Variants in SLC4A4 observed in about 807,000 individuals in gnomAD.
SLC4A4 encodes solute carrier family 4 member 4.
SLC4A4 carries 27 observed loss-of-function variants against 111.5 expected under a neutral mutation model. The observed-to-expected ratio is 0.24, with a 90% CI of 0.18 to 0.33. The LOEUF (loss-of-function observed/expected upper bound fraction) is 0.33. Among genes scored for constraint, SLC4A4 ranks in the 10% least tolerant of loss-of-function variants. The pLI is 1.00. For missense variants in SLC4A4, 909 were observed against 1,315.5 expected (o/e 0.69, Z 4.78); for synonymous variants, 443 against 463.4 (o/e 0.96, Z 0.57).
At chr4:71,538,061 T>G (rs1734716251) in intron 18 of SLC4A4, among the ~76,000 whole-genome samples, 1 of 151,858 alleles carries the variant, frequency 6.6e-6, no homozygotes. Context: ...GTTTCTGATG[T>G]TGGTTTAGTT....
At chr4:71,538,466 A>G (rs1415713860) in intron 18 of SLC4A4, among the ~76,000 whole-genome samples, 2 of 152,164 alleles carry the variant, frequency 1.3e-5, no homozygotes, top group Non-Finnish European at 2.9e-5. Context: ...AAATCTAATG[A>G]TACCAGTGAA....
chr4:71,458,481 A>C (rs1726500135), intron 12 of SLC4A4, among the ~76,000 whole-genome samples: 1 of 152,048 alleles, frequency 6.6e-6, no homozygotes, highest in Admixed American at 6.6e-5. Context: ...CCAGGAGTAA[A>C]TATAATCCTA....
chr4:71,187,939 G>A (rs1745561209), intron 1 of SLC4A4, among the ~76,000 whole-genome samples: 1 of 152,242 alleles, frequency 6.6e-6, no homozygotes, highest in Non-Finnish European at 1.5e-5. Flanking sequence ...GGCGGGGGGT[G>A]AGTCAGGCAG....
chr4:71,076,545 A>AT (rs1419229591), intron 1 of SLC4A4, among the ~76,000 whole-genome samples: 3 of 151,860 alleles, frequency 2.0e-5, no homozygotes, highest in Non-Finnish European at 4.4e-5. Flanking sequence ...AAAAAAAAAA[A>AT]GTATCAACTT....
chr4:71,092,446 A>G (rs1301444480), intron 1 of SLC4A4, among the ~76,000 whole-genome samples: 1 of 152,238 alleles, frequency 6.6e-6, no homozygotes, highest in Non-Finnish European at 1.5e-5. Flanking sequence ...ATAAATTTAT[A>G]GAAGTTCATA....
At chr4:71,280,553 G>T (rs1056497925) in intron 3 of SLC4A4, among the ~76,000 whole-genome samples, 1 of 152,082 alleles carries the variant, frequency 6.6e-6, no homozygotes, top group Admixed American at 6.5e-5. Context: ...ACTATTTCAA[G>T]TTAATCTTGT....
At chr4:71,428,628 G>A (rs1020002302) in intron 7 of SLC4A4, among the ~76,000 whole-genome samples, 5 of 151,958 alleles carry the variant, frequency 3.3e-5, no homozygotes, top group Non-Finnish European at 7.4e-5. Flanking sequence ...GTGGGGGACA[G>A]GAGAAAATTA....
chr4:71,388,169 TAAG>T (rs905534945), intron 6 of SLC4A4, among the ~76,000 whole-genome samples: 7 of 152,208 alleles, frequency 4.6e-5, no homozygotes, highest in African/African-American at 1.4e-4. Flanking sequence ...TTTTGTGAGA[TAAG>T]AAGGTCACAA....
At chr4:71,376,785 C>T (rs954048186) in intron 6 of SLC4A4, among the ~76,000 whole-genome samples, 14 of 151,572 alleles carry the variant, frequency 9.2e-5, no homozygotes, top group African/African-American at 1.5e-4. Flanking sequence ...TACATATGTG[C>T]GCCACCATGC....
At chr4:71,356,918 T>C in intron 5 of SLC4A4, 90 bp from the exon 6 acceptor site, 2 of 1,184,492 alleles carry the variant, frequency 1.7e-6, no homozygotes. Context: ...TGCTATTAAA[T>C]TTGAGGGTGA....
intron 7 of SLC4A4, among the ~76,000 whole-genome samples, chr4:71,424,187 A>C (rs928836315): frequency 4.3e-4 from 65 of 152,290 alleles, no homozygotes; most frequent in African/African-American, 1.5e-3. Context: ...AAAGGACATG[A>C]ACAGACACTT....
At chr4:71,213,891 C>G (rs62304062) in intron 1 of SLC4A4, among the ~76,000 whole-genome samples, 2 of 152,294 alleles carry the variant, frequency 1.3e-5, no homozygotes, top group Non-Finnish European at 2.9e-5. Context: ...GGATCTTGGA[C>G]GTCCAAGTCT....
intron 16 of SLC4A4, among the ~76,000 whole-genome samples, chr4:71,501,030 A>G (rs1422488893): frequency 6.6e-6 from 1 of 152,156 alleles, no homozygotes; most frequent in Non-Finnish European, 1.5e-5. Context: ...GCTTTGCATC[A>G]GTAGATTGCT....
intron 6 of SLC4A4, among the ~76,000 whole-genome samples, chr4:71,376,125 A>G (rs1732339837): frequency 6.8e-6 from 1 of 147,076 alleles, no homozygotes; most frequent in Admixed American, 6.9e-5. Context: ...TTGTGTATAT[A>G]TATATACATA....
chr4:71,219,774 T>C (rs1343915138), intron 1 of SLC4A4, among the ~76,000 whole-genome samples: 2 of 17,180 alleles, frequency 1.2e-4, no homozygotes, highest in East Asian at 5.8e-3. Flanking sequence ...ATTCTAATCC[T>C]TATGGGTGAT....
chr4:71,526,552 T>A (rs1187629565), intron 16 of SLC4A4, among the ~76,000 whole-genome samples: 1 of 152,140 alleles, frequency 6.6e-6, no homozygotes, highest in Non-Finnish European at 1.5e-5. Flanking sequence ...TATATACATA[T>A]GTATTATGTA....
At chr4:71,460,031 GA>G (rs1298737309) in intron 12 of SLC4A4, among the ~76,000 whole-genome samples, 4 of 151,780 alleles carry the variant, frequency 2.6e-5, no homozygotes, top group Non-Finnish European at 5.9e-5. Context: ...TGCCTTATGA[GA>G]ACTCTTTGTA....
At chr4:71,435,240 T>G (rs1223712586) in intron 7 of SLC4A4, among the ~76,000 whole-genome samples, 1 of 152,146 alleles carries the variant, frequency 6.6e-6, no homozygotes, top group African/African-American at 2.4e-5. Flanking sequence ...AACAGAGGCC[T>G]CAGAAATAAC....
chr4:71,255,163 TTGTC>T lies in SLC4A4; in HGVS notation c.74-54_74-51del. 2.8e-6 allele frequency: 4 copies of T among 1,439,880 alleles called. No individual in the cohort carries two copies. The South Asian group carries it at 4.6e-5, about 17-fold the overall frequency. 89.2% of individuals were successfully genotyped at this position (1,439,880 alleles called of 1,614,324 possible). ...TTCTGATCTGTGTATCTTGTGCAAT[TTGTC>T]TGCAGTAGAGAATGTGGTTTGAACT... On this transcript the variant is annotated intron_variant, in intron 2 of 25. Transcript: ENST00000264485.
Sources: allele counts gnomAD v4.1 joint callset (sites outside exome capture counted in the v4.1 genomes callset), GRCh38; gene constraint gnomAD v4.1.1; transcripts MANE v1.5; gene names NCBI Gene and HGNC (gene_info 2026-07-23, HGNC 2026-07-21).